The following TMEM178B variants were observed in gnomAD, a reference collection of about 807,000 sequenced individuals.
TMEM178B encodes the protein transmembrane protein 178B.
In TMEM178B, 5 loss-of-function variants were observed where a neutral mutation model predicts 31.0. The observed-to-expected ratio is 0.16, with a 90% CI of 0.08 to 0.34. TMEM178B has a LOEUF of 0.34. Among genes scored for constraint, TMEM178B ranks in the 10% least tolerant of loss-of-function variants. The pLI, the probability that TMEM178B is intolerant of heterozygous loss-of-function variation, is 1.00. For missense variants in TMEM178B, 275 were observed against 400.3 expected (o/e 0.69, Z 2.67); for synonymous variants, 164 against 164.0 (o/e 1.00, Z 0.00).
rs567850581 is a variant in TMEM178B at position 141,210,074 on chromosome 7, G to A, written c.383-2517G>A. ...ATGGGAGGGTGGCCTGGTAGAGGAG[G>A]CTCTCTGGTTAGACAGTCCTGGGTT... On this transcript the variant is annotated intron_variant, in intron 1 of 3. Coordinates refer to ENST00000565468, the MANE Select transcript of TMEM178B (RefSeq NM_001195278.2). 1.2e-4 allele frequency among the ~76,000 whole-genome samples: 18 copies of A among 152,294 alleles called. No homozygotes were observed. The South Asian group carries it at 1.5e-3, about 12-fold the overall frequency.
chr7:141,490,805 G>A, the TMEM178B span, among the ~76,000 whole-genome samples: 1 of 152,194 alleles, frequency 6.6e-6, no homozygotes, highest in African/African-American at 2.4e-5. Context: ...ACCCTTGCTA[G>A]GTCCTAGGCC....
intron 2 of TMEM178B, among the ~76,000 whole-genome samples, chr7:141,272,922 A>G (rs1798208290): frequency 6.6e-6 from 1 of 152,330 alleles, no homozygotes; most frequent in South Asian, 2.1e-4. Flanking sequence ...CCACACTTCC[A>G]TTTTTATTAC....
chr7:141,314,908 T>A (rs1255600813), intron 2 of TMEM178B, among the ~76,000 whole-genome samples: 1 of 152,230 alleles, frequency 6.6e-6, no homozygotes, highest in Non-Finnish European at 1.5e-5. Context: ...ACCAGATGCT[T>A]AGTGGCCATT....
At chr7:141,482,619 C>G (rs1802496961), downstream of TMEM178B, among the ~76,000 whole-genome samples, 1 of 152,150 alleles carries the variant, frequency 6.6e-6, no homozygotes, top group Non-Finnish European at 1.5e-5. Flanking sequence ...TCCCCAAGAC[C>G]ACGCTCGGAT....
chr7:141,410,724 A>G (rs1396174709), intron 2 of TMEM178B, among the ~76,000 whole-genome samples: 1 of 151,978 alleles, frequency 6.6e-6, no homozygotes, highest in Non-Finnish European at 1.5e-5. Context: ...CTTTTTTGGC[A>G]CAAACTCTGA....
intron 2 of TMEM178B, among the ~76,000 whole-genome samples, chr7:141,409,101 G>T (rs1800935918): frequency 6.6e-6 from 1 of 152,190 alleles, no homozygotes; most frequent in South Asian, 2.1e-4. Flanking sequence ...CACTGAAGGA[G>T]TTCAAGGTGT....
chr7:141,481,254 A>T (rs563016834), downstream of TMEM178B, among the ~76,000 whole-genome samples: 262 of 152,142 alleles, frequency 1.7e-3, no homozygotes, highest in Non-Finnish European at 3.2e-3. Flanking sequence ...CCATCTAAGG[A>T]GACTGAGAAA....
intron 1 of TMEM178B, among the ~76,000 whole-genome samples, chr7:141,186,951 A>G (rs1488636716): frequency 6.6e-6 from 1 of 152,040 alleles, no homozygotes; most frequent in African/African-American, 2.4e-5. Context: ...AAATTTTATT[A>G]TTATTATACT....
chr7:141,129,782 C>T (rs1470109974), intron 1 of TMEM178B, among the ~76,000 whole-genome samples: 1 of 151,914 alleles, frequency 6.6e-6, no homozygotes, highest in Admixed American at 6.6e-5. Flanking sequence ...AGACATGGGA[C>T]GTCAATCAAA....
chr7:141,403,256 G>A (rs1006337743), intron 2 of TMEM178B, among the ~76,000 whole-genome samples: 3 of 152,174 alleles, frequency 2.0e-5, no homozygotes, highest in African/African-American at 7.2e-5. Context: ...TGGTATCACG[G>A]GGGCCTCATC....
intron 2 of TMEM178B, among the ~76,000 whole-genome samples, chr7:141,294,914 A>G (rs1270187149): frequency 6.6e-6 from 1 of 152,184 alleles, no homozygotes; most frequent in Non-Finnish European, 1.5e-5. Flanking sequence ...CTCACCTGTG[A>G]AGAGACATCA....
chr7:141,427,979 A>G (rs1477747654), intron 2 of TMEM178B, among the ~76,000 whole-genome samples: 1 of 152,240 alleles, frequency 6.6e-6, no homozygotes, highest in East Asian at 1.9e-4. Context: ...CGTCAGGGAA[A>G]TGCAAATTAA....
At chr7:141,385,353 T>C (rs991313375) in intron 2 of TMEM178B, among the ~76,000 whole-genome samples, 3 of 152,184 alleles carry the variant, frequency 2.0e-5, no homozygotes, top group Non-Finnish European at 4.4e-5. Flanking sequence ...CATAAGATGG[T>C]CTGCTCTAGG....
chr7:141,158,199 G>A (rs542363728), intron 1 of TMEM178B, among the ~76,000 whole-genome samples: 4 of 152,236 alleles, frequency 2.6e-5, no homozygotes, highest in East Asian at 3.9e-4. Flanking sequence ...GGGTTCAAGC[G>A]ATTCTCTTGC....
At chr7:141,324,900 C>T (rs1421937798) in intron 2 of TMEM178B, among the ~76,000 whole-genome samples, 1 of 152,142 alleles carries the variant, frequency 6.6e-6, no homozygotes, top group African/African-American at 2.4e-5. Context: ...CCTAGCCACA[C>T]TCTCCAATTG....
intron 1 of TMEM178B, among the ~76,000 whole-genome samples, chr7:141,120,697 T>C (rs1795393882): frequency 6.6e-6 from 1 of 152,134 alleles, no homozygotes; most frequent in Admixed American, 6.5e-5. Flanking sequence ...GTCTCACTCC[T>C]ATAATCCCAA....
At chr7:141,432,883 G>A (rs1801462583) in intron 2 of TMEM178B, among the ~76,000 whole-genome samples, 1 of 152,154 alleles carries the variant, frequency 6.6e-6, no homozygotes, top group Admixed American at 6.6e-5. Context: ...GGTCTGAGGG[G>A]CGGATTCTGG....
chr7:141,303,248 G>T (rs547001144), intron 2 of TMEM178B, among the ~76,000 whole-genome samples: 1 of 152,250 alleles, frequency 6.6e-6, no homozygotes, highest in South Asian at 2.1e-4. Context: ...TGTGGGATTG[G>T]AAATGTGTCT....
At chr7:141,232,232 C>A (rs1267607813) in intron 2 of TMEM178B, among the ~76,000 whole-genome samples, 1 of 152,200 alleles carries the variant, frequency 6.6e-6, no homozygotes, top group African/African-American at 2.4e-5. Flanking sequence ...TGAGTTGACT[C>A]TATGTCTTTG....
Sources: gnomAD v4.1 joint callset for allele counts (sites outside exome capture counted in the v4.1 genomes callset) on GRCh38, gnomAD v4.1.1 for gene constraint, MANE v1.5 for transcripts, NCBI Gene and HGNC (gene_info 2026-07-23, HGNC 2026-07-21) for gene names.